The following ATP10B variants were observed in gnomAD, a reference collection of about 807,000 sequenced individuals.
ATP10B encodes phospholipid-transporting ATPase VB.
In ATP10B, 122 loss-of-function variants were observed where a neutral mutation model predicts 141.2. The ratio of observed to expected loss-of-function variants is 0.86; its 90% CI spans 0.75 to 1.00. The LOEUF is 1.00. Ranked by LOEUF, ATP10B falls within the 50% of genes least tolerant of loss-of-function variation. ATP10B has a pLI of 0.00. For synonymous variants in ATP10B, 685 were observed against 692.0 expected (o/e 0.99, Z 0.16); for missense variants, 1,876 against 1,825.3 (o/e 1.03, Z -0.51).
chr5:160,897,065 G>A, the ATP10B span, among the ~76,000 whole-genome samples: 1 of 152,130 alleles, frequency 6.6e-6, no homozygotes, highest in South Asian at 2.1e-4. Flanking sequence ...AGCCATTTAT[G>A]ACAAACCCAC....
At chr5:160,745,657 C>T (rs1423217123) in intron 2 of ATP10B, among the ~76,000 whole-genome samples, 2 of 152,232 alleles carry the variant, frequency 1.3e-5, no homozygotes, top group South Asian at 2.1e-4. Flanking sequence ...CACCAATAAA[C>T]TTAGTGACCC....
chr5:160,912,555 C>T, the ATP10B span, among the ~76,000 whole-genome samples: 128 of 151,040 alleles, frequency 8.5e-4, no homozygotes, highest in Admixed American at 2.5e-3. Context: ...GCTGAGATCA[C>T]GCCACCGCAC....
At chr5:160,577,577 T>A (rs1181882946) in intron 24 of ATP10B, among the ~76,000 whole-genome samples, 1 of 152,170 alleles carries the variant, frequency 6.6e-6, no homozygotes, top group Admixed American at 6.5e-5. Flanking sequence ...TTCTAATCCT[T>A]AGGTTGGTAC....
At chr5:160,755,637 A>G (rs1239030174) in intron 2 of ATP10B, among the ~76,000 whole-genome samples, 1 of 148,958 alleles carries the variant, frequency 6.7e-6, no homozygotes, top group Admixed American at 6.7e-5. Context: ...AAAACGGTGA[A>G]ACCCCGTCTC....
At chr5:160,703,828 T>C (rs1764817515) in intron 3 of ATP10B, among the ~76,000 whole-genome samples, 2 of 152,206 alleles carry the variant, frequency 1.3e-5, no homozygotes, top group Admixed American at 6.5e-5. Flanking sequence ...TGAAATGTAT[T>C]TCTTAAGTAA....
At chr5:160,844,384 A>T (rs928902626) in intron 1 of ATP10B, among the ~76,000 whole-genome samples, 1 of 152,138 alleles carries the variant, frequency 6.6e-6, no homozygotes, top group African/African-American at 2.4e-5. Context: ...TTAACAAATG[A>T]CTATTCCATG....
At chr5:160,884,930 G>T in the ATP10B span, among the ~76,000 whole-genome samples, 2 of 152,114 alleles carry the variant, frequency 1.3e-5, no homozygotes, top group African/African-American at 4.8e-5. Context: ...TGCATGTTTT[G>T]GTTGGGCAGA....
In ATP10B at chr5:160,612,905, G is replaced by C. The variant is rs753184140; in HGVS notation, c.2674C>G (p.Arg892Gly). Residue 892 changes from arginine to glycine, a missense_variant, in exon 18 of 26, where the codon CGG becomes GGG. By Grantham distance (125) the Arg-to-Gly change is moderately radical (BLOSUM62 -2). Transcript: ENST00000327245. ...TLLGATGIED[R>G]LQEGVPDTIA... ...GTATCTGGAACTCCTTCCTGCAGCC[G>C]GTCTTCGATCCCAGTGGCTCCTGGA... The C allele has an allele frequency of 6.2e-7, 1 of 1,613,270 alleles. No homozygotes were observed. Among genetic ancestry groups the C allele is most frequent in the Non-Finnish European group, 8.5e-7 (1 of 1,179,700 alleles).
the ATP10B span, among the ~76,000 whole-genome samples, chr5:160,892,922 G>A: frequency 1.3e-5 from 2 of 152,314 alleles, no homozygotes; most frequent in East Asian, 1.9e-4. Context: ...GAGATGTCAT[G>A]TAACCCGGGA....
intron 25 of ATP10B, among the ~76,000 whole-genome samples, chr5:160,568,735 C>T (rs545200503): frequency 2.6e-5 from 4 of 152,220 alleles, no homozygotes; most frequent in African/African-American, 9.6e-5. Context: ...ACACTTAGCT[C>T]ATGGCAAAAA....
chr5:160,797,074 G>A (rs1376428579), intron 1 of ATP10B, among the ~76,000 whole-genome samples: 2 of 152,088 alleles, frequency 1.3e-5, no homozygotes, highest in East Asian at 1.9e-4. Context: ...AGTTGTCAGG[G>A]GGTTTCAGAA....
At chr5:160,834,918 A>C (rs991574617) in intron 1 of ATP10B, among the ~76,000 whole-genome samples, 1 of 152,140 alleles carries the variant, frequency 6.6e-6, no homozygotes. Flanking sequence ...CCCCTTGACC[A>C]GATGTTTATG....
chr5:160,599,084 C>T lies in ATP10B; in HGVS notation c.3364-114G>A, dbSNP rs575456051. On this transcript the variant is annotated intron_variant, in intron 21 of 25. Transcript: ENST00000327245. ...TGGCAGTTGCCTCATTTATAACACA[C>T]AGGGTTATGTAAGGATGAGAGAGAA... The T allele has an allele frequency of 6.8e-5, 57 of 836,076 alleles. No individual in the cohort carries two copies. The African/African-American group carries it at 8.4e-4, about 12-fold the overall frequency. 51.8% of individuals were successfully genotyped at this position (836,076 alleles called of 1,614,324 possible).
chr5:160,879,545 A>G, the ATP10B span, among the ~76,000 whole-genome samples: 1 of 151,590 alleles, frequency 6.6e-6, no homozygotes, highest in Non-Finnish European at 1.5e-5. Flanking sequence ...ATTAAAAAAA[A>G]AAAAAAAACC....
intron 3 of ATP10B, among the ~76,000 whole-genome samples, chr5:160,705,993 C>A (rs1011481002): frequency 1.3e-5 from 2 of 152,158 alleles, no homozygotes; most frequent in African/African-American, 4.8e-5. Context: ...TTCTGTGTCT[C>A]AGGGAATAAG....
intron 19 of ATP10B, among the ~76,000 whole-genome samples, chr5:160,606,533 C>G (rs1164700114): frequency 3.9e-5 from 6 of 152,230 alleles, no homozygotes; most frequent in Non-Finnish European, 7.3e-5. Context: ...TGACCTCCAT[C>G]TAAACCCTGA....
intron 24 of ATP10B, among the ~76,000 whole-genome samples, chr5:160,586,861 T>C (rs1423667753): frequency 6.6e-6 from 1 of 152,256 alleles, no homozygotes; most frequent in Non-Finnish European, 1.5e-5. Context: ...ATTCTAGATA[T>C]TAGCCCTTTG....
rs949967430 is a variant in ATP10B at position 160,616,284 on chromosome 5, G to T, written c.2527-320C>A. Among the ~76,000 whole-genome samples the T allele has an allele frequency of 1.8e-4, 27 of 152,106 alleles. 1 individual carries two copies. ...AAATAATTTAAAATAGTTATTTCAG[G>T]GAATGCTAGGTAGTAAATGAGTGAT... On this transcript the variant is annotated intron_variant, in intron 16 of 25. Transcript: ENST00000327245.
chr5:160,772,045 T>C (rs1270318767), intron 2 of ATP10B, among the ~76,000 whole-genome samples: 1 of 152,248 alleles, frequency 6.6e-6, no homozygotes, highest in Admixed American at 6.5e-5. Context: ...TTAAGTTGCT[T>C]CCATAACTTG....
Sources: gnomAD v4.1 joint callset for allele counts (sites outside exome capture counted in the v4.1 genomes callset) on GRCh38, gnomAD v4.1.1 for gene constraint, MANE v1.5 for transcripts, NCBI Gene and HGNC (gene_info 2026-07-23, HGNC 2026-07-21) for gene names.